Variants in SRC observed in about 807,000 individuals in gnomAD.
SRC encodes the protein proto-oncogene tyrosine-protein kinase Src.
Under a neutral mutation model 62.9 loss-of-function variants are expected in SRC, and 13 were observed. The ratio of observed to expected loss-of-function variants is 0.21; its 90% CI spans 0.13 to 0.33. The LOEUF (loss-of-function observed/expected upper bound fraction) is 0.33. SRC is among the 10% of genes least tolerant of loss of function. SRC has a pLI of 1.00. For missense variants in SRC, 457 were observed against 737.3 expected, an observed-to-expected ratio of 0.62 and a Z score of 4.40; for synonymous variants, 302 against 317.5, an observed-to-expected ratio of 0.95 and a Z score of 0.52.
chr20:37,352,736 C>T (rs894744159), intron 1 of SRC, among the ~76,000 whole-genome samples: 6 of 152,146 alleles, frequency 3.9e-5, no homozygotes, highest in African/African-American at 1.4e-4. Context: ...ACAGCAAGGG[C>T]CCCTAGAGGT....
intron 5 of SRC, among the ~76,000 whole-genome samples, chr20:37,389,188 A>C (rs1038034948): frequency 6.6e-6 from 1 of 152,000 alleles, no homozygotes; most frequent in African/African-American, 2.4e-5. Flanking sequence ...GGGTGTGAGG[A>C]AGCCCTCTGG....
In SRC at chr20:37,394,736, C is replaced by G. The variant is rs536039798; in HGVS notation, c.553+459C>G. On this transcript the variant is annotated intron_variant, in intron 7 of 13. Transcript: ENST00000373578. Reference sequence around the variant, plus strand: ...CCAGAGAATGAAGACCATCCCCTTTCTCTCCAGCCCCTCTGAAAGTGGGTT... The same window carrying G: ...CCAGAGAATGAAGACCATCCCCTTTGTCTCCAGCCCCTCTGAAAGTGGGTT... Among the ~76,000 whole-genome samples, 6 of 152,288 alleles carry G rather than the reference C, an allele frequency of 3.9e-5. No individual in the cohort carries two copies. In the South Asian group the frequency reaches 1.0e-3, roughly 26 times the overall value.
At chr20:37,373,376 G>A (rs1193544707) in intron 2 of SRC, among the ~76,000 whole-genome samples, 1 of 146,680 alleles carries the variant, frequency 6.8e-6, no homozygotes, top group African/African-American at 2.6e-5. Context: ...ACACATATAT[G>A]TACATTATAC....
In SRC at chr20:37,402,801, C is replaced by A. The variant is rs367543246; in HGVS notation, c.1323C>A (p.Arg441=). The A allele has an allele frequency of 1.2e-5, 19 of 1,613,932 alleles. No homozygotes were observed. In the African/African-American group the frequency reaches 1.9e-4, roughly 16 times the overall value. ...CTCCAGAAGCTGCCCTCTATGGCCGCTTCACCATCAAGTCGGACGTGTGGT... is the reference window on the plus strand; with the variant it reads ...CTCCAGAAGCTGCCCTCTATGGCCGATTCACCATCAAGTCGGACGTGTGGT... ...WTAPEAALYG[R]FTIKSDVWSF... The change falls in exon 13 of 14, where the codon CGC becomes CGA. Residue 441 remains arginine (R), a synonymous_variant. Coordinates refer to ENST00000373578, the MANE Select transcript of SRC (RefSeq NM_198291.3). This position sits in a 1 kb window ranked among gnomAD's most constrained non-coding sequence, Gnocchi z 6.2.
At chr20:37,368,615 G>C (rs1419860951) in intron 2 of SRC, among the ~76,000 whole-genome samples, 1 of 132,724 alleles carries the variant, frequency 7.5e-6, no homozygotes, top group Non-Finnish European at 1.6e-5. Context: ...TGCAGTGGCG[G>C]GATCTCGGCT....
At chr20:37,390,317 G>A (rs181314185) in intron 5 of SRC, among the ~76,000 whole-genome samples, 2 of 137,806 alleles carry the variant, frequency 1.5e-5, no homozygotes, top group Non-Finnish European at 3.1e-5. Context: ...CAATTTAGTT[G>A]TTTTTATTTT....
At chr20:37,395,086 C>T (rs2070620285) in intron 7 of SRC, among the ~76,000 whole-genome samples, 2 of 152,198 alleles carry the variant, frequency 1.3e-5, no homozygotes, top group Admixed American at 1.3e-4. Context: ...GGGTTGGCTT[C>T]AGCCTCAGGC....
intron 1 of SRC, among the ~76,000 whole-genome samples, chr20:37,350,919 T>C (rs1013190927): frequency 1.3e-5 from 2 of 152,242 alleles, no homozygotes; most frequent in Non-Finnish European, 2.9e-5. Flanking sequence ...ATTCTTGATC[T>C]ATTCTGACCT....
intron 2 of SRC, among the ~76,000 whole-genome samples, chr20:37,368,943 GA>G (rs900007304): frequency 6.6e-6 from 1 of 152,162 alleles, no homozygotes; most frequent in African/African-American, 2.4e-5. Context: ...AGGATTTGAG[GA>G]AGGTGTCCAG....
chr20:37,387,181 G>C lies in SRC; in HGVS notation c.350+1007G>C, dbSNP rs185192250. Among the ~76,000 whole-genome samples the C allele has an allele frequency of 6.6e-5, 10 of 152,328 alleles. No individual in the cohort carries two copies. In the East Asian group the frequency reaches 1.7e-3, roughly 26 times the overall value. On this transcript the variant is annotated intron_variant, in intron 5 of 13. Transcript: ENST00000373578. ...GTTTCCACTGCCCCGAGCGTGTCTG[G>C]CTTGCTCATGCCCCACTTGCCTTGC...
At chr20:37,366,937 G>T (rs2146961645) in intron 2 of SRC, among the ~76,000 whole-genome samples, 1 of 152,166 alleles carries the variant, frequency 6.6e-6, no homozygotes, top group Middle Eastern at 3.4e-3. Context: ...AACTTTTTGA[G>T]GAACTGCCAG....
chr20:37,349,778 A>G (rs1303776994), intron 1 of SRC, among the ~76,000 whole-genome samples: 2 of 152,154 alleles, frequency 1.3e-5, no homozygotes, highest in Admixed American at 1.3e-4. Context: ...GTGCAGGGTG[A>G]CTTTGAGTCC....
chr20:37,370,490 G>T (rs1375827982), intron 2 of SRC, among the ~76,000 whole-genome samples: 1 of 152,170 alleles, frequency 6.6e-6, no homozygotes, highest in Non-Finnish European at 1.5e-5. Context: ...AACAAGAATC[G>T]CTTGAACCCA....
intron 5 of SRC, among the ~76,000 whole-genome samples, chr20:37,389,669 C>T (rs2070514000): frequency 1.3e-5 from 2 of 152,236 alleles, no homozygotes; most frequent in Non-Finnish European, 2.9e-5. Context: ...CCCACGCTGG[C>T]ACATGTCCCA....
At chr20:37,373,160 A>ACG (rs2070201698) in intron 2 of SRC, among the ~76,000 whole-genome samples, 3 of 151,480 alleles carry the variant, frequency 2.0e-5, no homozygotes, top group African/African-American at 4.9e-5. Context: ...ACACACATAC[A>ACG]CACATATATG....
At chr20:37,361,543 C>T (rs1014080448) in intron 1 of SRC, among the ~76,000 whole-genome samples, 3 of 152,020 alleles carry the variant, frequency 2.0e-5, no homozygotes, top group Non-Finnish European at 4.4e-5. Context: ...TGGGTGTGGG[C>T]GGGGAGGAGG....
At chr20:37,388,806 A>T (rs1368103607) in intron 5 of SRC, among the ~76,000 whole-genome samples, 1 of 137,838 alleles carries the variant, frequency 7.3e-6, no homozygotes. Flanking sequence ...AGAAGAGGAG[A>T]GGGAAAGGGA....
At chr20:37,346,716 G>T (rs2069728486) in intron 1 of SRC, among the ~76,000 whole-genome samples, 1 of 152,132 alleles carries the variant, frequency 6.6e-6, no homozygotes, top group Non-Finnish European at 1.5e-5. Context: ...CCCGGGGTCA[G>T]GGCGCCAGGC....
At chr20:37,373,122 A>C (rs752658416) in intron 2 of SRC, among the ~76,000 whole-genome samples, 2 of 149,298 alleles carry the variant, frequency 1.3e-5, no homozygotes, top group Non-Finnish European at 2.9e-5. Flanking sequence ...ACACACACAT[A>C]TGTACATATA....
Sources: allele counts gnomAD v4.1 joint callset (sites outside exome capture counted in the v4.1 genomes callset), GRCh38; gene constraint gnomAD v4.1.1; non-coding constraint Gnocchi (gnomAD v3.1); transcripts MANE v1.5; gene names NCBI Gene and HGNC (gene_info 2026-07-23, HGNC 2026-07-21).